Variants in RFX4 observed in about 807,000 individuals in gnomAD.
RFX4 encodes regulatory factor X4, also known as transcription factor RFX4.
A neutral mutation model predicts 95.0 loss-of-function variants in RFX4; 10 were observed. The ratio of observed to expected loss-of-function variants is 0.11; its 90% CI spans 0.06 to 0.18. The LOEUF (loss-of-function observed/expected upper bound fraction) is 0.18, where lower values mean the gene tolerates loss of function less well. Among genes scored for constraint, RFX4 ranks in the 10% least tolerant of loss-of-function variants. The probability of loss-of-function intolerance (pLI) is 1.00; values close to 1 mark genes in which losing one functional copy is unlikely to be tolerated. For synonymous variants in RFX4, 321 were observed against 340.7 expected, an observed-to-expected ratio of 0.94 and a Z score of 0.64; for missense variants, 640 against 922.0, an observed-to-expected ratio of 0.69 and a Z score of 3.96.
intron 4 of RFX4, among the ~76,000 whole-genome samples, chr12:106,669,941 C>T (rs1295722735): frequency 6.7e-6 from 1 of 148,996 alleles, no homozygotes; most frequent in Non-Finnish European, 1.5e-5. Flanking sequence ...CCTGGTTGTA[C>T]CACTTAGCAG....
chr12:106,628,303 C>CA (rs2040345589), intron 2 of RFX4, among the ~76,000 whole-genome samples: 1 of 152,100 alleles, frequency 6.6e-6, no homozygotes, highest in African/African-American at 2.4e-5. Context: ...TCCATGGGGC[C>CA]AAAATACTTG....
At chr12:106,662,749 T>G (rs963612167) in intron 4 of RFX4, among the ~76,000 whole-genome samples, 1 of 152,088 alleles carries the variant, frequency 6.6e-6, no homozygotes, top group African/African-American at 2.4e-5. Flanking sequence ...GGGTATAAGG[T>G]CTGTATCTAG....
At chr12:106,714,297 C>T (rs1390715357) in intron 10 of RFX4, among the ~76,000 whole-genome samples, 2 of 152,030 alleles carry the variant, frequency 1.3e-5, no homozygotes, top group African/African-American at 2.4e-5. Flanking sequence ...GCAACGAGGC[C>T]AGGATTTGAA....
chr12:106,613,507 C>T (rs760182612), intron 2 of RFX4, among the ~76,000 whole-genome samples: 11 of 151,728 alleles, frequency 7.2e-5, no homozygotes, highest in Admixed American at 5.2e-4. Flanking sequence ...GGATTACAGG[C>T]GCCCACCACC....
chr12:106,586,596 T>C lies in RFX4; in HGVS notation c.43+3233T>C, dbSNP rs1337250832. On this transcript the variant is annotated intron_variant, in intron 1 of 17. Coordinates refer to ENST00000392842, the MANE Select transcript of RFX4 (RefSeq NM_213594.3). The surrounding 1 kb of genome is among the most constrained non-coding windows in gnomAD (Gnocchi z 5.6). ...TGGAAACTTCTGCCTCCATCCACTT[T>C]CCGCTCCCATCTCCAGAACCCAGAG... Among the ~76,000 whole-genome samples the C allele has an allele frequency of 1.3e-5, 2 of 152,142 alleles. No individual in the cohort carries two copies. Among genetic ancestry groups the C allele is most frequent in the African/African-American group, 2.4e-5 (1 of 41,432 alleles).
intron 6 of RFX4, among the ~76,000 whole-genome samples, chr12:106,688,758 G>A (rs994195388): frequency 2.9e-5 from 4 of 139,794 alleles, no homozygotes; most frequent in African/African-American, 1.1e-4. Context: ...GATAAATGGA[G>A]GGGGAGATTA....
In RFX4 at chr12:106,720,003, C is replaced by A. The variant is rs151028311; in HGVS notation, c.1182C>A (p.Ile394=). ...FDHLLEEQSP[I]ESYIEWLDTM... is the part of the protein sequence containing the mutation. Reference sequence around the variant, plus strand: ...ATCTCTTGGAGGAGCAGTCTCCCATCGAGTCCTACATTGAGTGGCTGGATA... The same window carrying A: ...ATCTCTTGGAGGAGCAGTCTCCCATAGAGTCCTACATTGAGTGGCTGGATA... Residue 394 remains isoleucine, a synonymous_variant, in exon 12 of 18, where the codon ATC becomes ATA. Coordinates refer to ENST00000392842, the MANE Select transcript of RFX4 (RefSeq NM_213594.3). The surrounding 1 kb of genome is among the most constrained non-coding windows in gnomAD (Gnocchi z 4.2). 27 of 1,614,190 alleles carry A rather than the reference C, an allele frequency of 1.7e-5. No individual in the cohort carries two copies. Among genetic ancestry groups the A allele is most frequent in the Middle Eastern group, 1.6e-4 (1 of 6,062 alleles).
chr12:106,744,147 T>A (rs2042853440), intron 15 of RFX4, among the ~76,000 whole-genome samples: 1 of 152,246 alleles, frequency 6.6e-6, no homozygotes, highest in African/African-American at 2.4e-5. Context: ...AGGGCAATTA[T>A]GCATAATCCA....
intron 5 of RFX4, chr12:106,683,113 T>G (rs2041555565): frequency 1.3e-5 from 2 of 152,076 alleles, no homozygotes; most frequent in Admixed American, 1.3e-4. Flanking sequence ...CACTGTAACT[T>G]TTTAGAAAGG....
intron 4 of RFX4, among the ~76,000 whole-genome samples, chr12:106,660,124 T>C (rs2041042693): frequency 6.6e-6 from 1 of 152,130 alleles, no homozygotes; most frequent in Non-Finnish European, 1.5e-5. Context: ...GATATTCATT[T>C]ATCTCATGTC....
In RFX4 at chr12:106,623,840, A is replaced by T. The variant is rs143539394; in HGVS notation, c.130+14957A>T. Among the ~76,000 whole-genome samples, 276 of 152,346 alleles carry T rather than the reference A, an allele frequency of 1.8e-3. 2 individuals carry two copies. Among genetic ancestry groups the T allele is most frequent in the African/African-American group, 6.3e-3 (262 of 41,578 alleles). On this transcript the variant is annotated intron_variant, in intron 2 of 17. Coordinates refer to ENST00000392842, the MANE Select transcript of RFX4 (RefSeq NM_213594.3). ...GATTGTAAGAGACAGAAACCTGATG[A>T]TTTAAATGATGTAGATATTTATTAT...
rs917466174 is a variant in RFX4, at chr12:106,700,628, G to A, written c.833+4182G>A. On this transcript the variant is annotated intron_variant, in intron 8 of 17. Transcript: ENST00000392842. ...TCACCTTGTTAGCCAGGATGGTCTC[G>A]ATCTCCTGACCTCGTGATCCGCCCG... Among the ~76,000 whole-genome samples the A allele has an allele frequency of 6.0e-5, 9 of 150,738 alleles. No homozygotes were observed. The South Asian group carries it at 6.3e-4, about 11-fold the overall frequency.
chr12:106,603,171 C>T (rs2039747730), intron 1 of RFX4, among the ~76,000 whole-genome samples: 1 of 152,056 alleles, frequency 6.6e-6, no homozygotes, highest in Non-Finnish European at 1.5e-5. Flanking sequence ...TTACCTGGCT[C>T]TTGATAACCG....
intron 13 of RFX4, among the ~76,000 whole-genome samples, chr12:106,724,879 G>A (rs2042461957): frequency 2.0e-5 from 3 of 152,004 alleles, no homozygotes; most frequent in Admixed American, 1.3e-4. Flanking sequence ...GGGTGTGGTG[G>A]CGGGTGCCTA....
chr12:106,583,456 G>T, intron 1 of RFX4, 93 bp downstream of exon 1: 3 of 1,259,460 alleles, frequency 2.4e-6, no homozygotes, highest in Non-Finnish European at 3.2e-6. Flanking sequence ...AAGTTCAGAC[G>T]GGTCAACTTG....
At chr12:106,686,405 C>G (rs2041648259) in intron 5 of RFX4, among the ~76,000 whole-genome samples, 1 of 143,374 alleles carries the variant, frequency 7.0e-6, no homozygotes, top group African/African-American at 2.6e-5. Flanking sequence ...GAGCGAGACT[C>G]TGTCTCAAAA....
intron 4 of RFX4, among the ~76,000 whole-genome samples, chr12:106,666,640 C>A (rs1031236939): frequency 6.6e-6 from 1 of 151,844 alleles, no homozygotes; most frequent in African/African-American, 2.4e-5. Context: ...TTTGAAGTTT[C>A]TGTTGATATC....
In RFX4 at chr12:106,691,881, G is replaced by A. The variant is rs544199715; in HGVS notation, c.669+2517G>A. Among the ~76,000 whole-genome samples, 9 of 152,244 alleles carry A rather than the reference G, an allele frequency of 5.9e-5. No individual in the cohort carries two copies. The South Asian group carries it at 8.3e-4, about 14-fold the overall frequency. On this transcript the variant is annotated intron_variant, in intron 7 of 17. Coordinates refer to ENST00000392842, the MANE Select transcript of RFX4 (RefSeq NM_213594.3). ...AATTAAAGAATGCAAATCTGAGGCC[G>A]GGCGCAGTGGCTCACGCCTGTAATC...
intron 3 of RFX4, among the ~76,000 whole-genome samples, chr12:106,648,987 G>A (rs1490681334): frequency 6.6e-6 from 1 of 152,034 alleles, no homozygotes; most frequent in Non-Finnish European, 1.5e-5. Context: ...ACTCATGTTA[G>A]CTAGCAGACT....
Sources: gnomAD v4.1 joint callset for allele counts (sites outside exome capture counted in the v4.1 genomes callset) on GRCh38, gnomAD v4.1.1 for gene constraint, Gnocchi (gnomAD v3.1) non-coding constraint, MANE v1.5 for transcripts, NCBI Gene and HGNC (gene_info 2026-07-23, HGNC 2026-07-21) for gene names.